HIBADH: variants seen among roughly 807,000 people sequenced by gnomAD.
HIBADH encodes 3-hydroxyisobutyrate dehydrogenase.
A neutral mutation model predicts 36.1 loss-of-function variants in HIBADH; 25 were observed. The ratio of observed to expected loss-of-function variants is 0.69; its 90% confidence interval spans 0.50 to 0.97. The LOEUF (loss-of-function observed/expected upper bound fraction) is 0.97. Ranked by LOEUF, HIBADH falls within the 50% of genes least tolerant of loss-of-function variation. The probability of loss-of-function intolerance (pLI) is 0.00; values close to 1 mark genes in which losing one functional copy is unlikely to be tolerated. For missense variants in HIBADH, 421 were observed against 418.0 expected (o/e 1.01, Z -0.06); for synonymous variants, 160 against 149.5 (o/e 1.07, Z -0.51).
At chr7:27,615,789 A>G (rs1008783169) in intron 4 of HIBADH, among the ~76,000 whole-genome samples, 1 of 152,192 alleles carries the variant, frequency 6.6e-6, no homozygotes, top group African/African-American at 2.4e-5. Context: ...CCTTCTATTG[A>G]TAAAGAAAAG....
intron 3 of HIBADH, among the ~76,000 whole-genome samples, chr7:27,630,200 G>T (rs1785723373): frequency 6.6e-6 from 1 of 152,062 alleles, no homozygotes; most frequent in African/African-American, 2.4e-5. Context: ...AAAGGGTATG[G>T]CTAACCTTTA....
In HIBADH at chr7:27,649,636, G is replaced by C. The variant is rs1786142285; in HGVS notation, c.92-3C>G. The C allele has an allele frequency of 6.3e-7, 1 of 1,582,430 alleles. No individual in the cohort carries two copies. Among genetic ancestry groups the C allele is most frequent in the South Asian group, 1.2e-5 (1 of 84,836 alleles). On this transcript the variant is annotated splice_polypyrimidine_tract_variant and splice_region_variant and intron_variant, in intron 1 of 7. Transcript: ENST00000265395. Reference sequence around the variant, plus strand: ...TGAAGCCACTGACCTAGAACACACTGATTTCAATACATTATTTTCAATAGG... The same window carrying C: ...TGAAGCCACTGACCTAGAACACACTCATTTCAATACATTATTTTCAATAGG...
At chr7:27,555,016 TA>T (rs1426040851) in intron 4 of HIBADH, among the ~76,000 whole-genome samples, 3 of 152,154 alleles carry the variant, frequency 2.0e-5, no homozygotes, top group Admixed American at 2.0e-4. Context: ...GAAAGGTAAC[TA>T]ACCAGATTTG....
intron 3 of HIBADH, among the ~76,000 whole-genome samples, chr7:27,630,108 T>C (rs1785721459): frequency 6.6e-6 from 1 of 152,164 alleles, no homozygotes. Context: ...TTTGGCTTTT[T>C]AGGGTAACTT....
intron 1 of HIBADH, among the ~76,000 whole-genome samples, chr7:27,658,009 C>T (rs1384605154): frequency 2.0e-5 from 3 of 152,170 alleles, no homozygotes; most frequent in African/African-American, 7.2e-5. Context: ...CCTATGCCAA[C>T]TGCCCCTTTT....
chr7:27,583,358 C>G (rs1784819197), intron 4 of HIBADH, among the ~76,000 whole-genome samples: 1 of 151,970 alleles, frequency 6.6e-6, no homozygotes, highest in African/African-American at 2.4e-5. Flanking sequence ...TGTTACAAAA[C>G]TAGTAAAAAG....
At chr7:27,635,218 C>T (rs1785818571) in intron 2 of HIBADH, among the ~76,000 whole-genome samples, 2 of 151,960 alleles carry the variant, frequency 1.3e-5, no homozygotes, top group South Asian at 2.1e-4. Context: ...ACTTCAAGAC[C>T]CTGAAATAAT....
chr7:27,550,282 A>AT (rs1031767666), intron 4 of HIBADH, among the ~76,000 whole-genome samples: 9 of 152,154 alleles, frequency 5.9e-5, no homozygotes, highest in African/African-American at 2.2e-4. Context: ...GTACCTGTAT[A>AT]TTTATGCTTC....
intron 1 of HIBADH, among the ~76,000 whole-genome samples, chr7:27,650,627 G>T (rs1786169875): frequency 6.7e-6 from 1 of 150,014 alleles, no homozygotes. Context: ...GGTGTAGCTG[G>T]GATCACAGAC....
chr7:27,618,239 G>A (rs1785469097), intron 4 of HIBADH, among the ~76,000 whole-genome samples: 2 of 152,210 alleles, frequency 1.3e-5, no homozygotes, highest in African/African-American at 4.8e-5. Context: ...CCTATCCGGG[G>A]CAGAGAGTGG....
At chr7:27,538,835 A>C (rs529805481) in intron 5 of HIBADH, among the ~76,000 whole-genome samples, 1 of 152,274 alleles carries the variant, frequency 6.6e-6, no homozygotes, top group East Asian at 1.9e-4. Context: ...AAGACCACTG[A>C]AGGCAGGAAC....
At chr7:27,552,380 C>T (rs1244097506) in intron 4 of HIBADH, among the ~76,000 whole-genome samples, 1 of 152,186 alleles carries the variant, frequency 6.6e-6, no homozygotes, top group African/African-American at 2.4e-5. Flanking sequence ...TCACAGCACT[C>T]TTCTGGAGTC....
intron 5 of HIBADH, among the ~76,000 whole-genome samples, chr7:27,539,814 A>T (rs1398910784): frequency 1.3e-5 from 2 of 152,208 alleles, no homozygotes; most frequent in African/African-American, 2.4e-5. Context: ...CATATTTTGT[A>T]TATGTATTAT....
rs150998484 is a variant in HIBADH, at chr7:27,534,915, C to T, written c.695+3426G>A. Among the ~76,000 whole-genome samples, 485 of 151,382 alleles carry T rather than the reference C, an allele frequency of 3.2e-3. 5 individuals are homozygous for T. The highest frequency in any genetic ancestry group is 0.011 in the African/African-American group (457 of 41,278). On this transcript the variant is annotated intron_variant, in intron 6 of 7. Coordinates refer to ENST00000265395, the MANE Select transcript of HIBADH (RefSeq NM_152740.4). Reference sequence around the variant, plus strand: ...CAACAACCCAGTGGATAGATGTAATCACTTTTGTCATTTTATAAATGAGAA... The same window carrying T: ...CAACAACCCAGTGGATAGATGTAATTACTTTTGTCATTTTATAAATGAGAA...
chr7:27,613,057 A>T (rs1017197598), intron 4 of HIBADH, among the ~76,000 whole-genome samples: 20 of 130,372 alleles, frequency 1.5e-4, no homozygotes, highest in African/African-American at 5.5e-4. Flanking sequence ...TATATATAAT[A>T]TAATTTATAT....
chr7:27,583,436 C>A (rs1312582184), intron 4 of HIBADH, among the ~76,000 whole-genome samples: 1 of 9,966 alleles, frequency 1.0e-4, no homozygotes, highest in Non-Finnish European at 1.6e-4. Flanking sequence ...GTTATGACAA[C>A]TTCAAAAAAA....
At chr7:27,644,470 T>C (rs1055267707) in intron 2 of HIBADH, among the ~76,000 whole-genome samples, 14 of 151,868 alleles carry the variant, frequency 9.2e-5, no homozygotes, top group Non-Finnish European at 2.1e-4. Flanking sequence ...CGTGGTGACA[T>C]GTGCCTGTAA....
chr7:27,575,393 A>AG (rs1357171002), intron 4 of HIBADH, among the ~76,000 whole-genome samples: 3 of 152,236 alleles, frequency 2.0e-5, no homozygotes, highest in Admixed American at 6.5e-5. Flanking sequence ...TTAGAATTTA[A>AG]GGCATGTGGA....
chr7:27,613,935 C>T (rs1333455610), intron 4 of HIBADH, among the ~76,000 whole-genome samples: 1 of 152,152 alleles, frequency 6.6e-6, no homozygotes, highest in East Asian at 1.9e-4. Context: ...GCTGGGATTA[C>T]AGGCGTAAGT....
Sources: gnomAD v4.1 joint callset for allele counts (sites outside exome capture counted in the v4.1 genomes callset) on GRCh38, gnomAD v4.1.1 for gene constraint, MANE v1.5 for transcripts, NCBI Gene and HGNC (gene_info 2026-07-23, HGNC 2026-07-21) for gene names.